Variants in VWF observed in about 807,000 individuals in gnomAD.
VWF encodes the protein Factor VIII related antigen.
VWF carries 176 observed loss-of-function variants against 308.6 expected under a neutral mutation model. The ratio of observed to expected loss-of-function variants is 0.57; its 90% CI spans 0.50 to 0.65. The LOEUF (loss-of-function observed/expected upper bound fraction) is 0.65. Among genes scored for constraint, VWF ranks in the 30% least tolerant of loss-of-function variants. VWF has a pLI of 0.00. For synonymous variants in VWF, 1,385 were observed against 1,443.4 expected, an observed-to-expected ratio of 0.96 and a Z score of 0.92; for missense variants, 3,146 against 3,648.2, an observed-to-expected ratio of 0.86 and a Z score of 3.55.
intron 16 of VWF, among the ~76,000 whole-genome samples, chr12:6,051,444 A>T (rs1441834355): frequency 1.3e-5 from 2 of 152,030 alleles, no homozygotes; most frequent in Non-Finnish European, 2.9e-5. Flanking sequence ...GGCACCCGCT[A>T]CCACACCCAG....
At chr12:6,086,056 C>T (rs1340316940) in intron 6 of VWF, among the ~76,000 whole-genome samples, 1 of 152,168 alleles carries the variant, frequency 6.6e-6, no homozygotes, top group African/African-American at 2.4e-5. Context: ...TCCCATCCTG[C>T]ACTCAGGTGA....
At chr12:6,022,104 T>C (rs1944136081) in intron 26 of VWF, 69 bp from the exon 27 acceptor site, 1 of 1,609,586 alleles carries the variant, frequency 6.2e-7, no homozygotes, top group South Asian at 1.1e-5. Context: ...CATTTTTAAC[T>C]AAAAGGGAGG....
intron 32 of VWF, among the ~76,000 whole-genome samples, chr12:6,012,356 C>T (rs1944006632): frequency 6.6e-6 from 1 of 152,230 alleles, no homozygotes; most frequent in African/African-American, 2.4e-5. Flanking sequence ...ATGCCAACAA[C>T]AGCGATAATA....
chr12:6,018,659 C>T lies in VWF; in HGVS notation c.4759G>A (p.Asp1587Asn). 6.2e-7 allele frequency: 1 copy of T among 1,613,970 alleles called. No homozygotes were observed. Among genetic ancestry groups the T allele is most frequent in the Non-Finnish European group, 8.5e-7 (1 of 1,179,900 alleles). Residue 1587 changes from aspartate (D) to asparagine (N), a missense_variant, in exon 28 of 52, where the codon GAC becomes AAC. Around this residue, in one of 3 missense-constraint regions of VWF, gnomAD observed 853 missense variants for 1,177.8 expected, o/e 0.72. Coordinates refer to ENST00000261405, the MANE Select transcript of VWF (RefSeq NM_000552.5). ...NTGLALRYLS[D>N]HSFLVSQGDR... ...CCCTGGCTGACCAAGAAGCTGTGGT[C>T]AGAGAGGTACCGCAGGGCCAGCCCA...
chr12:5,963,280 G>A lies in VWF; in HGVS notation c.7887+4206C>T, dbSNP rs377685462. On this transcript the variant is annotated intron_variant, in intron 47 of 51. Transcript: ENST00000261405. ...AAAAACTCATAATCAATCATTAAAGGGCAAACAACCCAATTTAAAAATGGC... is the reference window on the plus strand; with the variant it reads ...AAAAACTCATAATCAATCATTAAAGAGCAAACAACCCAATTTAAAAATGGC... 2.0e-5 allele frequency among the ~76,000 whole-genome samples: 3 copies of A among 152,192 alleles called. No individual in the cohort carries two copies. In the East Asian group the frequency reaches 5.8e-4, roughly 29 times the overall value.
In VWF at chr12:6,038,545, G is replaced by C. The variant is rs542140274; in HGVS notation, c.2443-2054C>G. Among the ~76,000 whole-genome samples the C allele has an allele frequency of 5.5e-4, 84 of 152,378 alleles. No individual in the cohort carries two copies. The Middle Eastern group carries it at 0.014, about 25-fold the overall frequency. ...ACCCACCATGCCTCCTGTCACCCAG[G>C]TGTGGGTCTATGGAAGCCCAGCCCT... On this transcript the variant is annotated intron_variant, in intron 18 of 51. Coordinates refer to ENST00000261405, the MANE Select transcript of VWF (RefSeq NM_000552.5).
intron 6 of VWF, among the ~76,000 whole-genome samples, chr12:6,086,729 C>T (rs1378120757): frequency 6.6e-6 from 1 of 152,138 alleles, no homozygotes; most frequent in Non-Finnish European, 1.5e-5. Flanking sequence ...TTCAGAGTCA[C>T]CATGAGCAGA....
intron 42 of VWF, among the ~76,000 whole-genome samples, chr12:5,976,955 C>T (rs1443659385): frequency 1.3e-5 from 2 of 152,196 alleles, no homozygotes; most frequent in Non-Finnish European, 2.9e-5. Context: ...GACTTAATGA[C>T]AGTTTTGAAA....
intron 34 of VWF, among the ~76,000 whole-genome samples, chr12:6,002,871 C>A (rs1483558339): frequency 1.5e-5 from 2 of 135,554 alleles, no homozygotes; most frequent in Non-Finnish European, 3.2e-5. Context: ...CAGTATTCCC[C>A]CACCACAAAA....
intron 38 of VWF, 110 bp downstream of exon 38, chr12:5,991,709 G>T: frequency 8.5e-7 from 1 of 1,180,818 alleles, no homozygotes. Context: ...ATCCCCGTAA[G>T]AGTCAACCCT....
chr12:5,997,334 C>T (rs926184401), intron 34 of VWF, among the ~76,000 whole-genome samples: 2 of 152,206 alleles, frequency 1.3e-5, no homozygotes, highest in South Asian at 4.1e-4. Context: ...AAGGAGTCAG[C>T]CCAACTGCCA....
intron 34 of VWF, among the ~76,000 whole-genome samples, chr12:6,006,932 G>A (rs1379082597): frequency 1.3e-5 from 2 of 152,180 alleles, no homozygotes; most frequent in South Asian, 2.1e-4. Context: ...CTAAAAGACA[G>A]CACAGGTAGC....
intron 2 of VWF, 91 bp from the exon 3 acceptor site, chr12:6,121,429 T>C: frequency 6.7e-7 from 1 of 1,496,404 alleles, no homozygotes; most frequent in African/African-American, 1.4e-5. Context: ...GAAATTAGAC[T>C]GCCTCTGATA....
chr12:6,101,999 G>A (rs891135041), intron 5 of VWF, among the ~76,000 whole-genome samples: 2 of 152,098 alleles, frequency 1.3e-5, no homozygotes, highest in Non-Finnish European at 2.9e-5. Flanking sequence ...ATTTATGGGG[G>A]AGGGCGGAAT....
chr12:6,102,688 T>C (rs1191390493), intron 5 of VWF, among the ~76,000 whole-genome samples: 1 of 151,848 alleles, frequency 6.6e-6, no homozygotes, highest in Non-Finnish European at 1.5e-5. Flanking sequence ...TGAGCCGAGA[T>C]TGTGCCACTG....
intron 6 of VWF, among the ~76,000 whole-genome samples, chr12:6,090,137 T>C (rs1021462093): frequency 3.3e-5 from 5 of 152,044 alleles, no homozygotes; most frequent in African/African-American, 1.2e-4. Context: ...TTTTGTATTT[T>C]TAGTAGAGAC....
chr12:6,066,337 C>A (rs1366351388), intron 10 of VWF, among the ~76,000 whole-genome samples: 1 of 152,246 alleles, frequency 6.6e-6, no homozygotes, highest in Non-Finnish European at 1.5e-5. Flanking sequence ...ATCTGGATCC[C>A]TTCCCAACCT....
At chr12:6,109,260 TATATATAC>T in intron 5 of VWF, among the ~76,000 whole-genome samples, 1 of 149,994 alleles carries the variant, frequency 6.7e-6, no homozygotes, top group East Asian at 1.9e-4. Flanking sequence ...CACACGTGTA[TATATATAC>T]ATATATATAC....
intron 5 of VWF, among the ~76,000 whole-genome samples, chr12:6,110,067 A>C (rs1945289257): frequency 6.6e-6 from 1 of 152,070 alleles, no homozygotes; most frequent in South Asian, 2.1e-4. Flanking sequence ...GATTTTATCC[A>C]CTCCACTGTA....
Sources: gnomAD v4.1 joint callset for allele counts (sites outside exome capture counted in the v4.1 genomes callset) on GRCh38, gnomAD v4.1.1 for gene constraint, gnomAD v4.1.1 regional missense constraint, MANE v1.5 for transcripts, NCBI Gene and HGNC (gene_info 2026-07-23, HGNC 2026-07-21) for gene names.